SLC29A3: variants seen among roughly 807,000 people sequenced by gnomAD.
SLC29A3 encodes equilibrative nucleoside transporter 3.
In SLC29A3, 18 loss-of-function variants were observed where a neutral mutation model predicts 25.4. That is an observed-to-expected ratio of 0.71 (90% CI 0.49 to 1.05). The LOEUF (loss-of-function observed/expected upper bound fraction) is 1.05. Among genes scored for constraint, SLC29A3 ranks in the 50% least tolerant of loss-of-function variants. The pLI is 0.00. For missense variants in SLC29A3, 586 were observed against 609.0 expected (o/e 0.96, Z 0.40); for synonymous variants, 258 against 267.1 (o/e 0.97, Z 0.33).
At chr10:71,357,824 T>C (rs951669613) in intron 5 of SLC29A3, among the ~76,000 whole-genome samples, 5 of 152,228 alleles carry the variant, frequency 3.3e-5, no homozygotes, top group African/African-American at 7.2e-5. Context: ...TCCTATCCAC[T>C]ATCTTATTTG....
chr10:71,362,588 C>T lies in SLC29A3; in HGVS notation c.1408C>T (p.Leu470Phe). The T allele has an allele frequency of 1.2e-6, 2 of 1,614,186 alleles. No homozygotes were observed. Among genetic ancestry groups the T allele is most frequent in the Non-Finnish European group, 1.7e-6 (2 of 1,180,046 alleles). Residue 470 changes from leucine to phenylalanine, a missense_variant, in exon 6 of 6, where the codon CTC becomes TTC. Physicochemically the swap from Leu to Phe is conservative, Grantham distance 22. Transcript: ENST00000373189. Reference protein sequence around the residue: ...GLTLGSACSTLLVHLI With the variant: ...GLTLGSACSTFLVHLI ...AACACTGGGCTCAGCCTGCTCTACC[C>T]TCCTGGTGCACCTCATCTAGAAGGG...
At chr10:71,323,471 G>C (rs756543902) in intron 2 of SLC29A3, among the ~76,000 whole-genome samples, 2 of 152,254 alleles carry the variant, frequency 1.3e-5, no homozygotes, top group Non-Finnish European at 2.9e-5. Context: ...CAAGACGGCT[G>C]TTGTAAGTCC....
At chr10:71,331,113 A>G (rs532555435) in intron 2 of SLC29A3, among the ~76,000 whole-genome samples, 7 of 152,254 alleles carry the variant, frequency 4.6e-5, no homozygotes, top group Middle Eastern at 3.4e-3. Context: ...TGCAAACAAC[A>G]GTTTCATGAA....
At chr10:71,353,386 A>G (rs1387194836) in intron 4 of SLC29A3, among the ~76,000 whole-genome samples, 1 of 152,216 alleles carries the variant, frequency 6.6e-6, no homozygotes, top group African/African-American at 2.4e-5. Context: ...TGTCACCGCC[A>G]TCTCAGAAGG....
At chr10:71,336,863 G>A (rs76979485) in intron 2 of SLC29A3, among the ~76,000 whole-genome samples, 2,942 of 152,190 alleles carry the variant, frequency 0.019, 106 homozygotes, top group African/African-American at 0.067. Flanking sequence ...GTGTGAGAAA[G>A]GATTGAAGGC....
chr10:71,350,316 TGTGTGTGTGTGTG>T (rs1564537349), intron 3 of SLC29A3, among the ~76,000 whole-genome samples: 1 of 126,772 alleles, frequency 7.9e-6, no homozygotes, highest in African/African-American at 4.3e-5. Context: ...CACACCTACG[TGTGTGTGTGTGTG>T]TGTGTGTGTG....
chr10:71,324,764 C>T (rs993982755), intron 2 of SLC29A3, among the ~76,000 whole-genome samples: 1 of 152,016 alleles, frequency 6.6e-6, no homozygotes, highest in Middle Eastern at 3.2e-3. Context: ...GACAGCTATA[C>T]ATCAGAGGTG....
At chr10:71,344,933 C>T (rs1468271541) in intron 3 of SLC29A3, among the ~76,000 whole-genome samples, 2 of 152,310 alleles carry the variant, frequency 1.3e-5, no homozygotes, top group South Asian at 4.1e-4. Flanking sequence ...GGTCCAGAAA[C>T]CTGGGCTGCT....
At chr10:71,336,549 C>G (rs2131815309) in intron 2 of SLC29A3, among the ~76,000 whole-genome samples, 1 of 151,814 alleles carries the variant, frequency 6.6e-6, no homozygotes, top group East Asian at 1.9e-4. Flanking sequence ...GGGCCTGGTT[C>G]CTGGAGGCAG....
chr10:71,371,351 A>G (rs1245026035), intron 3 of SLC29A3, among the ~76,000 whole-genome samples: 4 of 152,276 alleles, frequency 2.6e-5, no homozygotes, highest in South Asian at 4.2e-4. Context: ...TCATGGCTCT[A>G]GACTTCTGAT....
intron 4 of SLC29A3, among the ~76,000 whole-genome samples, chr10:71,377,344 C>T (rs1847260431): frequency 6.6e-6 from 1 of 152,252 alleles, no homozygotes; most frequent in Non-Finnish European, 1.5e-5. Context: ...TCCGCAAAAC[C>T]ACCCAGTTCA....
At chr10:71,372,274 C>T (rs186075281) in intron 3 of SLC29A3, among the ~76,000 whole-genome samples, 1 of 152,340 alleles carries the variant, frequency 6.6e-6, no homozygotes, top group Admixed American at 6.5e-5. Context: ...TTAATCCATT[C>T]AGTCACTAGG....
chr10:71,324,861 G>A (rs11812689), intron 2 of SLC29A3, among the ~76,000 whole-genome samples: 30,240 of 152,086 alleles, frequency 0.2, 3,368 homozygotes, highest in Non-Finnish European at 0.25. Flanking sequence ...ACTGAGTTGG[G>A]CAGGCAGAAG....
chr10:71,319,737 C>T, intron 1 of SLC29A3: 1 of 173,808 alleles, frequency 5.8e-6, no homozygotes, highest in Non-Finnish European at 1.2e-5. Context: ...CACAGGTTAG[C>T]CCTACCAGCT....
At chr10:71,324,192 G>A (rs1239844640) in intron 2 of SLC29A3, among the ~76,000 whole-genome samples, 1 of 152,188 alleles carries the variant, frequency 6.6e-6, no homozygotes, top group Non-Finnish European at 1.5e-5. Flanking sequence ...ATTTCTAAGA[G>A]GAGACGTCAA....
intron 4 of SLC29A3, among the ~76,000 whole-genome samples, chr10:71,377,245 A>C (rs1847259608): frequency 6.6e-6 from 1 of 152,222 alleles, no homozygotes; most frequent in Admixed American, 6.5e-5. Flanking sequence ...AGATGCTCTA[A>C]GCTGCCGCTC....
At chr10:71,358,580 C>T (rs984345194) in intron 5 of SLC29A3, among the ~76,000 whole-genome samples, 2 of 152,192 alleles carry the variant, frequency 1.3e-5, no homozygotes, top group Admixed American at 6.5e-5. Flanking sequence ...GGCACCTCAG[C>T]GTTGTGCCTT....
intron 3 of SLC29A3, among the ~76,000 whole-genome samples, chr10:71,347,476 G>C (rs2131833216): frequency 6.6e-6 from 1 of 152,246 alleles, no homozygotes; most frequent in Non-Finnish European, 1.5e-5. Flanking sequence ...TGAAAGTCTA[G>C]ACTTTCCTAA....
At chr10:71,365,210 A>T (rs886252995), downstream of SLC29A3, 1 of 152,258 alleles carries the variant, frequency 6.6e-6, no homozygotes, top group Admixed American at 6.5e-5. Flanking sequence ...CAGCCTGGGC[A>T]AAAAGGGCAA....
Sources: allele counts gnomAD v4.1 joint callset (sites outside exome capture counted in the v4.1 genomes callset), GRCh38; gene constraint gnomAD v4.1.1; transcripts MANE v1.5; gene names NCBI Gene and HGNC (gene_info 2026-07-23, HGNC 2026-07-21).